Variants in MPPE1 observed in about 807,000 individuals in gnomAD.
The protein encoded by MPPE1 is metallophosphoesterase 1, also known as metallo phosphoesterase.
A neutral mutation model predicts 43.8 loss-of-function variants in MPPE1; 28 were observed. The ratio of observed to expected loss-of-function variants is 0.64; its 90% CI spans 0.47 to 0.88. The LOEUF is 0.88. MPPE1 is among the 40% of genes least tolerant of loss of function. The probability of loss-of-function intolerance (pLI) is 0.00; values close to 1 mark genes in which losing one functional copy is unlikely to be tolerated. For missense variants in MPPE1, 428 were observed against 492.2 expected (o/e 0.87, Z 1.23); for synonymous variants, 159 against 188.5 (o/e 0.84, Z 1.28).
At chr18:11,906,622 C>T (rs1372942033) in intron 1 of MPPE1, among the ~76,000 whole-genome samples, 1 of 151,948 alleles carries the variant, frequency 6.6e-6, no homozygotes, top group African/African-American at 2.4e-5. Context: ...TTTGAGAGGC[C>T]GAGGTGGGTG....
chr18:11,905,808 T>G (rs960887348), intron 2 of MPPE1: 3 of 152,168 alleles, frequency 2.0e-5, no homozygotes, highest in Non-Finnish European at 4.4e-5. Flanking sequence ...GGTGAGTATT[T>G]TATCTTGCAT....
At chr18:11,897,476 T>C (rs1417276551) in intron 2 of MPPE1, 120 bp from the exon 3 acceptor site, 3 of 542,690 alleles carry the variant, frequency 5.5e-6, no homozygotes, top group Non-Finnish European at 9.8e-6. Context: ...AATCGTCTTA[T>C]ACTTTTACAA....
intron 5 of MPPE1, 76 bp downstream of exon 5, chr18:11,889,311 T>C: frequency 1.1e-6 from 1 of 932,872 alleles, no homozygotes; most frequent in East Asian, 2.5e-5. Context: ...AATAGGGCTT[T>C]CACCTGAATT....
At chr18:11,894,624 C>G (rs1249450298) in intron 3 of MPPE1, among the ~76,000 whole-genome samples, 2 of 152,206 alleles carry the variant, frequency 1.3e-5, no homozygotes, top group African/African-American at 2.4e-5. Context: ...CAGTTTCGCT[C>G]TTGTTGCCCA....
intron 4 of MPPE1, among the ~76,000 whole-genome samples, chr18:11,892,425 AT>A (rs1316062737): frequency 6.7e-6 from 1 of 149,026 alleles, no homozygotes; most frequent in Non-Finnish European, 1.5e-5. Flanking sequence ...ATCCCAGCAC[AT>A]TGGGAGGCCG....
chr18:11,894,595 T>C (rs2038385882), intron 3 of MPPE1, among the ~76,000 whole-genome samples: 1 of 152,134 alleles, frequency 6.6e-6, no homozygotes, highest in African/African-American at 2.4e-5. Context: ...TTTATTTTAT[T>C]TATTTATTTT....
intron 2 of MPPE1, among the ~76,000 whole-genome samples, chr18:11,898,245 T>C (rs113513391): frequency 1.2e-5 from 1 of 86,930 alleles, no homozygotes. Flanking sequence ...ATTTTTGTAT[T>C]TTTTTTAGCA....
chr18:11,902,555 A>G (rs1158567068), intron 2 of MPPE1: 1 of 152,196 alleles, frequency 6.6e-6, no homozygotes, highest in Non-Finnish European at 1.5e-5. Flanking sequence ...CCAGCTGTAC[A>G]GAACTAGTTG....
chr18:11,889,469 G>T lies in MPPE1; in HGVS notation c.412C>A (p.Arg138=), dbSNP rs145387433. Residue 138 remains arginine (R), a synonymous_variant, in exon 5 of 11, where the codon CGG becomes AGG. Coordinates refer to ENST00000588072, the MANE Select transcript of MPPE1 (RefSeq NM_023075.6). ...TPEAWADDVE[R]FQKMFRHPSH... is the part of the protein sequence containing the mutation. ...GGGTGTCTGAACATTTTCTGAAACC[G>T]CTCCACATCATCCGCCCAGGCCTGA... is the stretch of plus-strand genomic sequence containing the variant. 1 of 1,612,710 alleles carries T rather than the reference G, an allele frequency of 6.2e-7. No individual in the cohort carries two copies. The highest frequency in any genetic ancestry group is 8.5e-7 in the Non-Finnish European group (1 of 1,179,322).
chr18:11,886,484 G>T lies in MPPE1; in HGVS notation c.867+15C>A. The T allele has an allele frequency of 1.2e-6, 2 of 1,614,082 alleles. No homozygotes were observed. The highest frequency in any genetic ancestry group is 1.1e-5 in the South Asian group (1 of 91,074). On this transcript the variant is annotated intron_variant, in intron 9 of 10. Coordinates refer to ENST00000588072, the MANE Select transcript of MPPE1 (RefSeq NM_023075.6). The surrounding 1 kb of genome is among the most constrained non-coding windows in gnomAD (Gnocchi z 4.1). ...ACACTGTGACATGAATTAGCATCAC[G>T]ACACCCTGGCAAACCTTTTGTGATG...
intron 2 of MPPE1, among the ~76,000 whole-genome samples, chr18:11,904,040 G>A (rs1457211330): frequency 6.6e-6 from 1 of 152,112 alleles, no homozygotes; most frequent in Non-Finnish European, 1.5e-5. Context: ...GTATGGATTT[G>A]CCACTTGTAA....
intron 3 of MPPE1, among the ~76,000 whole-genome samples, chr18:11,895,737 TG>T (rs1400118680): frequency 2.0e-5 from 3 of 152,118 alleles, no homozygotes; most frequent in African/African-American, 4.8e-5. Context: ...TTTTGTTTAT[TG>T]TTTTTTTGTA....
intron 5 of MPPE1, 71 bp downstream of exon 5, chr18:11,889,316 T>C (rs2144257768): frequency 1.0e-6 from 1 of 998,932 alleles, no homozygotes; most frequent in Non-Finnish European, 1.5e-6. Context: ...GGCTTTCACC[T>C]GAATTCCAAC....
chr18:11,896,095 C>CTTTTT (rs1178920790), intron 3 of MPPE1, among the ~76,000 whole-genome samples: 158 of 80,396 alleles, frequency 2.0e-3, no homozygotes, highest in Middle Eastern at 0.011. Flanking sequence ...ATTCTTTATT[C>CTTTTT]TTTTTTTTTT....
intron 3 of MPPE1, among the ~76,000 whole-genome samples, chr18:11,894,576 C>T (rs779802978): frequency 7.3e-5 from 11 of 151,606 alleles, no homozygotes; most frequent in Non-Finnish European, 1.3e-4. Context: ...TGGTAAATGG[C>T]GATTTTATTT....
Position 11,884,574 on chromosome 18 carries a change from C to A in MPPE1, c.1062G>T (p.Glu354Asp), listed in dbSNP as rs1284107098. The part of the protein sequence containing the change: ...YTLSKCYLPR[E>D]DVVLIIYCGV... ...CACAGTAGATGATCAAAACCACATCCTCACGTGGGAGGTAGCACTTGGAGA... is the reference window on the plus strand; with the variant it reads ...CACAGTAGATGATCAAAACCACATCATCACGTGGGAGGTAGCACTTGGAGA... The change falls in exon 11 of 11, where the codon GAG becomes GAT. Residue 354 changes from glutamate (E) to aspartate (D), a missense_variant. Glu to Asp is a conservative substitution (Grantham distance 45, BLOSUM62 2). Transcript: ENST00000588072. The A allele has an allele frequency of 6.2e-7, 1 of 1,614,004 alleles. No homozygotes were observed.
At chr18:11,897,635 A>G (rs2038736991) in intron 2 of MPPE1, 1 of 172,312 alleles carries the variant, frequency 5.8e-6, no homozygotes, top group East Asian at 1.6e-4. Context: ...AAATCATCAA[A>G]TGGGAATCCA....
At chr18:11,904,319 A>ATT (rs1457952605) in intron 2 of MPPE1, among the ~76,000 whole-genome samples, 3,168 of 79,740 alleles carry the variant, frequency 0.04, 126 homozygotes, top group African/African-American at 0.18. Flanking sequence ...TTATTTATTT[A>ATT]TTTATTTTTT....
In MPPE1 at chr18:11,886,388, CA is replaced by C; in HGVS notation, c.867+110del. 1 of 1,489,238 alleles carries C rather than the reference CA, an allele frequency of 6.7e-7. No homozygotes were observed. The highest frequency in any genetic ancestry group is 2.3e-5 in the East Asian group (1 of 44,238). 92.3% of individuals were successfully genotyped at this position (1,489,238 alleles called of 1,614,324 possible). ...CTGTCCCCCCAGGTGATAACTAAGT[CA>C]TGAACGTTTCAGCAAACACCTGCTC... On this transcript the variant is annotated intron_variant, in intron 9 of 10. Transcript: ENST00000588072. The surrounding 1 kb of genome is among the most constrained non-coding windows in gnomAD (Gnocchi z 4.1).
Sources: gnomAD v4.1 joint callset for allele counts (sites outside exome capture counted in the v4.1 genomes callset) on GRCh38, gnomAD v4.1.1 for gene constraint, Gnocchi (gnomAD v3.1) non-coding constraint, MANE v1.5 for transcripts, NCBI Gene and HGNC (gene_info 2026-07-23, HGNC 2026-07-21) for gene names.